Variants in HSPBAP1 observed in about 807,000 individuals in gnomAD.
The protein encoded by HSPBAP1 is HSPB1 associated protein 1.
In HSPBAP1, 27 loss-of-function variants were observed where a neutral mutation model predicts 45.2. The observed-to-expected ratio is 0.60, with a 90% CI of 0.44 to 0.82. The LOEUF is 0.82. Ranked by LOEUF, HSPBAP1 falls within the 40% of genes least tolerant of loss-of-function variation. The pLI, the probability that HSPBAP1 is intolerant of heterozygous loss-of-function variation, is 0.00. For synonymous variants in HSPBAP1, 204 were observed against 202.7 expected, an observed-to-expected ratio of 1.01 and a Z score of -0.06; for missense variants, 510 against 590.9, an observed-to-expected ratio of 0.86 and a Z score of 1.42.
In HSPBAP1 at chr3:122,755,439, A is replaced by C. The variant is rs1217388681; in HGVS notation, c.570-8T>G. On this transcript the variant is annotated splice_region_variant and splice_polypyrimidine_tract_variant and intron_variant, in intron 4 of 7. Transcript: ENST00000306103. ...AAGAGATGCCATCGTTTCCTAATTA[A>C]AAAAAAAAAAAAAAGATACAAGTTA... The C allele has an allele frequency of 1.0e-6, 1 of 1,003,630 alleles. No homozygotes were observed. Among genetic ancestry groups the C allele is most frequent in the Non-Finnish European group, 1.3e-6 (1 of 754,066 alleles). 62.2% of individuals were successfully genotyped at this position (1,003,630 alleles called of 1,614,324 possible).
chr3:122,753,288 G>A (rs1406545904), intron 5 of HSPBAP1: 4 of 288,026 alleles, frequency 1.4e-5, no homozygotes, highest in Non-Finnish European at 2.1e-5. Context: ...TACAGGTGAG[G>A]GAGGTAGGAC....
intron 1 of HSPBAP1, 82 bp downstream of exon 1, chr3:122,793,535 G>T: frequency 7.8e-7 from 1 of 1,276,158 alleles, no homozygotes; most frequent in Non-Finnish European, 1.1e-6. Flanking sequence ...TGGGGCTAAG[G>T]CAAACGGCCC....
At chr3:122,753,908 C>A in intron 5 of HSPBAP1, 1 of 984,928 alleles carries the variant, frequency 1.0e-6, no homozygotes, top group Non-Finnish European at 1.2e-6. Flanking sequence ...CTATTAAACA[C>A]AGAAGAGAAA....
intron 6 of HSPBAP1, among the ~76,000 whole-genome samples, chr3:122,748,422 T>C (rs539663470): frequency 1.1e-4 from 16 of 151,768 alleles, no homozygotes; most frequent in Non-Finnish European, 2.4e-4. Context: ...AAACTTATAC[T>C]ATATCCTAGT....
chr3:122,777,495 G>T (rs1935224809), intron 2 of HSPBAP1, among the ~76,000 whole-genome samples: 1 of 152,016 alleles, frequency 6.6e-6, no homozygotes, highest in South Asian at 2.1e-4. Flanking sequence ...TTTTGTATGG[G>T]GTTATAAACT....
At chr3:122,755,500 AAAAGCTAAGT>A in intron 4 of HSPBAP1, 69 bp from the exon 5 acceptor site, 1 of 1,149,120 alleles carries the variant, frequency 8.7e-7, no homozygotes, top group Non-Finnish European at 1.2e-6. Flanking sequence ...GGAAGAAGAC[AAAAGCTAAGT>A]GTTCATTTTT....
At chr3:122,792,324 T>C (rs1935857343) in intron 1 of HSPBAP1, among the ~76,000 whole-genome samples, 1 of 152,048 alleles carries the variant, frequency 6.6e-6, no homozygotes, top group Admixed American at 6.5e-5. Context: ...AGTAAGAGTT[T>C]TGTCAGAAAA....
chr3:122,755,328 G>C lies in HSPBAP1; in HGVS notation c.673C>G (p.Pro225Ala). 1 of 1,605,954 alleles carries C rather than the reference G, an allele frequency of 6.2e-7. No individual in the cohort carries two copies. Among genetic ancestry groups the C allele is most frequent in the Non-Finnish European group, 8.5e-7 (1 of 1,176,280 alleles). ...SVFSKINVVN[P>A]DLKRFPQFRK... ...AACTGAGGAAAACGCTTTAAATCAG[G>C]ATTGACAACATTGATTTTACTGAAC... is the stretch of plus-strand genomic sequence containing the variant. Residue 225 changes from proline (P) to alanine (A), a missense_variant, in exon 5 of 8, where the codon CCT becomes GCT. By Grantham distance (27) the Pro-to-Ala change is conservative (BLOSUM62 -1). Transcript: ENST00000306103.
chr3:122,768,699 AC>A lies in HSPBAP1; in HGVS notation c.432+1del. On this transcript the variant is annotated splice_donor_variant, in intron 3 of 7. Transcript: ENST00000306103. LOFTEE classifies it high-confidence loss of function. ...AAGATTAGAAGGAAGGTTCTGACTT[AC>A]CTGGAAAAGATCTGTCTTGTCTTCA... 6.2e-7 allele frequency: 1 copy of A among 1,603,130 alleles called. No individual in the cohort carries two copies. Among genetic ancestry groups the A allele is most frequent in the Non-Finnish European group, 8.5e-7 (1 of 1,170,876 alleles).
chr3:122,786,701 T>C (rs1159622932), intron 1 of HSPBAP1, among the ~76,000 whole-genome samples: 1 of 152,206 alleles, frequency 6.6e-6, no homozygotes, highest in Non-Finnish European at 1.5e-5. Flanking sequence ...GACTGGTATA[T>C]ATTAAATGCC....
At chr3:122,783,857 G>A (rs1461763334) in intron 1 of HSPBAP1, among the ~76,000 whole-genome samples, 1 of 150,628 alleles carries the variant, frequency 6.6e-6, no homozygotes. Flanking sequence ...TTGAGACGGA[G>A]TCTCGCTCTG....
At chr3:122,785,923 G>A (rs77588346) in intron 1 of HSPBAP1, among the ~76,000 whole-genome samples, 96 of 152,090 alleles carry the variant, frequency 6.3e-4, no homozygotes, top group Non-Finnish European at 1.2e-3. Flanking sequence ...GTGTGCACGC[G>A]CGCACATATG....
chr3:122,753,681 T>C, intron 5 of HSPBAP1: 7 of 985,154 alleles, frequency 7.1e-6, no homozygotes, highest in Non-Finnish European at 8.4e-6. Context: ...GTATTTGCTG[T>C]GAACAAGGCA....
intron 4 of HSPBAP1, among the ~76,000 whole-genome samples, chr3:122,758,169 C>T (rs1934426186): frequency 6.6e-6 from 1 of 152,198 alleles, no homozygotes; most frequent in South Asian, 2.1e-4. Flanking sequence ...CTGTTTTACT[C>T]TCTGTGCTGC....
chr3:122,746,044 G>C (rs1035804708), intron 6 of HSPBAP1, among the ~76,000 whole-genome samples: 1 of 152,122 alleles, frequency 6.6e-6, no homozygotes. Flanking sequence ...GGTAATACTC[G>C]GGGTTTCAGT....
chr3:122,762,469 G>A (rs541947905), intron 3 of HSPBAP1, among the ~76,000 whole-genome samples: 8 of 152,090 alleles, frequency 5.3e-5, no homozygotes, highest in African/African-American at 1.9e-4. Flanking sequence ...ACTGTCAGAC[G>A]GCACTTTTCT....
At chr3:122,769,791 C>T (rs1934922597) in intron 2 of HSPBAP1, among the ~76,000 whole-genome samples, 1 of 152,212 alleles carries the variant, frequency 6.6e-6, no homozygotes, top group Non-Finnish European at 1.5e-5. Context: ...GCAATCCTCG[C>T]GTCTCAGCCT....
intron 6 of HSPBAP1, among the ~76,000 whole-genome samples, chr3:122,745,378 C>T (rs1933810057): frequency 6.6e-6 from 1 of 152,140 alleles, no homozygotes; most frequent in Admixed American, 6.5e-5. Flanking sequence ...GAAGAGAAGA[C>T]CTTACCCTAG....
At chr3:122,782,998 T>C (rs34930203) in intron 1 of HSPBAP1, among the ~76,000 whole-genome samples, 25,925 of 152,098 alleles carry the variant, frequency 0.17, 3,158 homozygotes, top group East Asian at 0.53. Context: ...CAGCTGACAT[T>C]TTGAGAACAA....
Sources: allele counts gnomAD v4.1 joint callset (sites outside exome capture counted in the v4.1 genomes callset), GRCh38; gene constraint gnomAD v4.1.1; transcripts MANE v1.5; gene names NCBI Gene and HGNC (gene_info 2026-07-23, HGNC 2026-07-21).